CTNNA3: variants seen among roughly 807,000 people sequenced by gnomAD.
The protein encoded by CTNNA3 is catenin alpha 3.
Under a neutral mutation model 95.7 loss-of-function variants are expected in CTNNA3, and 76 were observed. That is an observed-to-expected ratio of 0.79 (90% CI 0.66 to 0.96). The LOEUF (loss-of-function observed/expected upper bound fraction) is 0.96. CTNNA3 is among the 40% of genes least tolerant of loss of function. The pLI is 0.00. For synonymous variants in CTNNA3, 431 were observed against 374.4 expected (o/e 1.15, Z -1.74); for missense variants, 1,191 against 1,089.8 (o/e 1.09, Z -1.31).
At chr10:65,971,359 T>A (rs543446159) in intron 16 of CTNNA3, among the ~76,000 whole-genome samples, 34 of 141,722 alleles carry the variant, frequency 2.4e-4, no homozygotes, top group African/African-American at 6.2e-4. Flanking sequence ...ATAGGAAGAA[T>A]CAATGAAGAC....
chr10:66,340,053 AC>A (rs1339938887), intron 12 of CTNNA3, among the ~76,000 whole-genome samples: 7 of 151,736 alleles, frequency 4.6e-5, no homozygotes, highest in African/African-American at 1.7e-4. Flanking sequence ...GATTGTACAC[AC>A]CTGTTACATA....
intron 7 of CTNNA3, among the ~76,000 whole-genome samples, chr10:66,803,089 T>A (rs1841494173): frequency 6.6e-6 from 1 of 152,036 alleles, no homozygotes; most frequent in Admixed American, 6.6e-5. Context: ...ACATTTAAGA[T>A]CTCTGCATTT....
intron 11 of CTNNA3, among the ~76,000 whole-genome samples, chr10:66,493,224 T>A (rs1437399528): frequency 6.6e-6 from 1 of 152,180 alleles, no homozygotes; most frequent in African/African-American, 2.4e-5. Flanking sequence ...AACCAAAGCA[T>A]GTTTTCTTCT....
intron 5 of CTNNA3, among the ~76,000 whole-genome samples, chr10:67,433,133 C>T (rs1390392288): frequency 6.6e-6 from 1 of 151,996 alleles, no homozygotes; most frequent in Non-Finnish European, 1.5e-5. Context: ...AAGTGAGAGA[C>T]ATGCAACTCT....
At position 66,155,718 on chromosome 10, in the gene CTNNA3, T is replaced by C. The variant is rs548389295; in HGVS notation, c.1885-52469A>G. 4.6e-5 allele frequency among the ~76,000 whole-genome samples: 7 copies of C among 152,046 alleles called. No individual in the cohort carries two copies. In the South Asian group the frequency reaches 1.5e-3, roughly 32 times the overall value. The stretch of plus-strand genomic sequence containing the variant: ...AAGTTAATGTCATAAAAATGTGTTA[T>C]ATAAAAGTAAAATATAAAACAATAA... On this transcript the variant is annotated intron_variant, in intron 13 of 17. Transcript: ENST00000433211.
chr10:67,402,140 A>C (rs1844946597), intron 5 of CTNNA3, among the ~76,000 whole-genome samples: 1 of 152,224 alleles, frequency 6.6e-6, no homozygotes, highest in Non-Finnish European at 1.5e-5. Flanking sequence ...GATGGCAAAG[A>C]AGCTCATTGA....
intron 7 of CTNNA3, among the ~76,000 whole-genome samples, chr10:66,814,146 T>A (rs1841987226): frequency 6.6e-6 from 1 of 150,794 alleles, no homozygotes; most frequent in Non-Finnish European, 1.5e-5. Flanking sequence ...GGGCAAAAGC[T>A]CAGGAAAGGT....
chr10:67,460,207 C>T (rs1847323041), intron 5 of CTNNA3, among the ~76,000 whole-genome samples: 1 of 152,084 alleles, frequency 6.6e-6, no homozygotes, highest in South Asian at 2.1e-4. Flanking sequence ...GCTTTGTTTT[C>T]ATTCTAACTG....
Position 66,313,770 on chromosome 10 carries a change from T to C in CTNNA3, c.1733-33149A>G, listed in dbSNP as rs554974001. On this transcript the variant is annotated intron_variant, in intron 12 of 17. Coordinates refer to ENST00000433211, the MANE Select transcript of CTNNA3 (RefSeq NM_013266.4). The stretch of plus-strand genomic sequence containing the variant: ...CTCAACACACAAGTGAATGAATATA[T>C]GCAGTAAAGCGTAAGAGCCTGATTC... 1.9e-4 allele frequency among the ~76,000 whole-genome samples: 29 copies of C among 152,312 alleles called. No individual in the cohort carries two copies. The South Asian group carries it at 5.2e-3, about 27-fold the overall frequency.
chr10:67,308,473 G>A (rs765768489), intron 5 of CTNNA3, among the ~76,000 whole-genome samples: 170 of 152,288 alleles, frequency 1.1e-3, no homozygotes, highest in Non-Finnish European at 1.8e-3. Flanking sequence ...GACTTCCCCA[G>A]CCATGTGGAA....
intron 3 of CTNNA3, among the ~76,000 whole-genome samples, chr10:67,583,780 ACTTCT>A (rs1842510050): frequency 6.6e-6 from 1 of 151,606 alleles, no homozygotes; most frequent in Non-Finnish European, 1.5e-5. Context: ...TTTTCTCTAA[ACTTCT>A]CTTCTCGCTT....
chr10:66,146,335 C>G (rs1041995914), intron 13 of CTNNA3, among the ~76,000 whole-genome samples: 1 of 152,094 alleles, frequency 6.6e-6, no homozygotes, highest in Non-Finnish European at 1.5e-5. Flanking sequence ...AAGAACTAGA[C>G]CTGCCTCAGT....
intron 11 of CTNNA3, among the ~76,000 whole-genome samples, chr10:66,508,507 A>G (rs4359087): frequency 1.3e-5 from 2 of 152,054 alleles, no homozygotes; most frequent in East Asian, 1.9e-4. Flanking sequence ...GCTTCCCTAT[A>G]TGAGCCACAA....
In CTNNA3 at chr10:66,959,976, A is replaced by G. The variant is rs12260779; in HGVS notation, c.1048-184452T>C. ...CACCTCAAACAACAGATCCTGCTACAAGGCTAGTCTGTACTGAGTTTATAA... is the reference window on the plus strand; with the variant it reads ...CACCTCAAACAACAGATCCTGCTACGAGGCTAGTCTGTACTGAGTTTATAA... On this transcript the variant is annotated intron_variant, in intron 7 of 17. Coordinates refer to ENST00000433211, the MANE Select transcript of CTNNA3 (RefSeq NM_013266.4). Among the ~76,000 whole-genome samples, 1,137 of 152,238 alleles carry G rather than the reference A, an allele frequency of 7.5e-3. 15 individuals are homozygous for G. The highest frequency in any genetic ancestry group is 0.026 in the African/African-American group (1,084 of 41,570).
intron 5 of CTNNA3, among the ~76,000 whole-genome samples, chr10:67,456,912 G>A (rs1444152222): frequency 6.6e-6 from 1 of 152,028 alleles, no homozygotes; most frequent in Non-Finnish European, 1.5e-5. Flanking sequence ...AGCAGAAAGC[G>A]AGCCCCCTCC....
intron 13 of CTNNA3, among the ~76,000 whole-genome samples, chr10:66,152,957 T>C (rs940934354): frequency 6.6e-6 from 1 of 151,936 alleles, no homozygotes; most frequent in African/African-American, 2.4e-5. Flanking sequence ...GGGACTCTAA[T>C]TAAATATATG....
intron 10 of CTNNA3, among the ~76,000 whole-genome samples, chr10:66,569,656 A>T (rs967036365): frequency 2.0e-5 from 3 of 152,146 alleles, no homozygotes; most frequent in Non-Finnish European, 4.4e-5. Context: ...TGGGTCCCAG[A>T]GAATGCACTT....
rs189050300 is a variant in CTNNA3, at chr10:67,168,239, T to C, written c.1047+12078A>G. On this transcript the variant is annotated intron_variant, in intron 7 of 17. Transcript: ENST00000433211. ...GCTGGTACCATTCCTACAGAGACTA[T>C]TCCTTAAAATTCAGGAGGAGGAACT... Among the ~76,000 whole-genome samples the C allele has an allele frequency of 3.9e-5, 6 of 152,294 alleles. No individual in the cohort carries two copies. In the East Asian group the frequency reaches 1.2e-3, roughly 29 times the overall value.
Position 67,649,388 on chromosome 10 carries a change from G to T in CTNNA3, c.-5-1870C>A, listed in dbSNP as rs190141703. Among the ~76,000 whole-genome samples, 5 of 152,278 alleles carry T rather than the reference G, an allele frequency of 3.3e-5. No individual in the cohort carries two copies. The East Asian group carries it at 9.6e-4, about 29-fold the overall frequency. On this transcript the variant is annotated intron_variant, in intron 1 of 17. Coordinates refer to ENST00000433211, the MANE Select transcript of CTNNA3 (RefSeq NM_013266.4). ...ATATCATATGTAAATCCTTCTAGAA[G>T]AATTTTTCAACCTAGAAGGAGCTTT...
Sources: allele counts gnomAD v4.1 joint callset (sites outside exome capture counted in the v4.1 genomes callset), GRCh38; gene constraint gnomAD v4.1.1; transcripts MANE v1.5; gene names NCBI Gene and HGNC (gene_info 2026-07-23, HGNC 2026-07-21).